MYH3: variants seen among roughly 807,000 people sequenced by gnomAD.
MYH3 encodes the protein myosin heavy chain 3.
Under a neutral mutation model 238.0 loss-of-function variants are expected in MYH3, and 130 were observed. That is an observed-to-expected ratio of 0.55 (90% confidence interval 0.47 to 0.63). The LOEUF (loss-of-function observed/expected upper bound fraction) is 0.63, where lower values mean the gene tolerates loss of function less well. Ranked by LOEUF, MYH3 falls within the 30% of genes least tolerant of loss-of-function variation. MYH3 has a pLI of 0.00. For synonymous variants in MYH3, 880 were observed against 924.1 expected (o/e 0.95, Z 0.86); for missense variants, 1,853 against 2,374.9 (o/e 0.78, Z 4.57).
chr17:10,643,011 C>T lies in MYH3; in HGVS notation c.1411-15G>A, dbSNP rs1267034665. 2.5e-6 allele frequency: 4 copies of T among 1,614,054 alleles called. No individual in the cohort carries two copies. The highest frequency in any genetic ancestry group is 1.7e-5 in the Admixed American group (1 of 60,002). ...AGGCTGTTATACTAATAAAAAAATA[C>T]AACATTCATGTGAAAAGTTAGACTT... On this transcript the variant is annotated splice_polypyrimidine_tract_variant and intron_variant, in intron 14 of 40. Coordinates refer to ENST00000583535, the MANE Select transcript of MYH3 (RefSeq NM_002470.4).
chr17:10,654,769 TG>T lies in MYH3; in HGVS notation c.204+91del. The T allele has an allele frequency of 8.5e-7, 1 of 1,174,902 alleles. No homozygotes were observed. The highest frequency in any genetic ancestry group is 1.3e-6 in the Non-Finnish European group (1 of 779,398). 72.8% of individuals were successfully genotyped at this position (1,174,902 alleles called of 1,614,324 possible). Reference sequence around the variant, plus strand: ...GGCATTCCAGTGCTGGAACCACATCTGGAAGTGGCTGGGGTTGGGCAGATGC... The same window carrying T: ...GGCATTCCAGTGCTGGAACCACATCTGAAGTGGCTGGGGTTGGGCAGATGC... On this transcript the variant is annotated intron_variant, in intron 3 of 40. Coordinates refer to ENST00000583535, the MANE Select transcript of MYH3 (RefSeq NM_002470.4). This position sits in a 1 kb window ranked among gnomAD's most constrained non-coding sequence, Gnocchi z 4.5.
At chr17:10,674,388 T>C in the MYH3 span, 12 of 243,826 alleles carry the variant, frequency 4.9e-5, no homozygotes, top group East Asian at 5.9e-4. Context: ...ATCGCACCAC[T>C]GCTCTCCAGC....
Position 10,654,147 on chromosome 17 carries a change from CTTTCTCTTTCTTTCT to C in MYH3, c.204+699_204+713del. 1.3e-5 allele frequency among the ~76,000 whole-genome samples: 1 copy of C among 78,716 alleles called. No individual in the cohort carries two copies. The highest frequency in any genetic ancestry group is 3.4e-5 in the African/African-American group (1 of 29,410). The allele number at this position is 78,716 out of a possible 152,430, so 51.6% of individuals were successfully genotyped here. A position where few individuals can be genotyped will look rare whatever the true frequency, so the allele number is the denominator to read the frequency against. ...CTTGTCTCTTTTATTTTCTTTCTTTCTTTCTCTTTCTTTCTTTCCTTCCTTCCTTGCTTTCTTTCT... is the reference window on the plus strand; with the variant it reads ...CTTGTCTCTTTTATTTTCTTTCTTTCTTCCTTCCTTCCTTGCTTTCTTTCT... On this transcript the variant is annotated intron_variant, in intron 3 of 40. Transcript: ENST00000583535. The surrounding 1 kb of genome is among the most constrained non-coding windows in gnomAD (Gnocchi z 4.5).
chr17:10,649,741 C>T, intron 6 of MYH3, 56 bp from the exon 7 acceptor site: 1 of 1,517,422 alleles, frequency 6.6e-7, no homozygotes, highest in South Asian at 1.1e-5. Context: ...TATAAACAGG[C>T]TTTTCAGGAT....
At position 10,655,092 on chromosome 17, in the gene MYH3, G is replaced by C. The variant is rs765665890; in HGVS notation, c.-8-20C>G. The C allele has an allele frequency of 1.9e-6, 3 of 1,603,962 alleles. No homozygotes were observed. In the South Asian group the frequency reaches 3.3e-5, roughly 18 times the overall value. The stretch of plus-strand genomic sequence containing the variant: ...TGTCAGCTGGAAGGCAAACCCACCC[G>C]GTGAGCTCAGCAGCCCCCTTGCCAG... On this transcript the variant is annotated intron_variant, in intron 2 of 40. Coordinates refer to ENST00000583535, the MANE Select transcript of MYH3 (RefSeq NM_002470.4).
chr17:10,664,846 C>CA, the MYH3 span, among the ~76,000 whole-genome samples: 11 of 151,984 alleles, frequency 7.2e-5, no homozygotes, highest in South Asian at 1.2e-3. Flanking sequence ...ATTCCAAGGA[C>CA]AAAAAAAGGA....
chr17:10,636,514 T>C (rs2074217253), intron 28 of MYH3, among the ~76,000 whole-genome samples: 1 of 152,128 alleles, frequency 6.6e-6, no homozygotes, highest in Non-Finnish European at 1.5e-5. Context: ...CTAGTTAGAC[T>C]CTTGGGGGAA....
chr17:10,674,300 C>A, the MYH3 span: 2 of 163,416 alleles, frequency 1.2e-5, no homozygotes, highest in Non-Finnish European at 2.7e-5. Context: ...GTGGCGGGCG[C>A]CTGTAATCCC....
Position 10,651,550 on chromosome 17 carries a change from A to G in MYH3, c.467T>C (p.Phe156Ser). The change falls in exon 5 of 41, where the codon TTC becomes TCC. Residue 156 changes from phenylalanine to serine, a missense_variant. By Grantham distance (155) the Phe-to-Ser change is radical (BLOSUM62 -2). Around this residue, in one of 3 missense-constraint regions of MYH3, gnomAD observed 678 missense variants for 1,058.9 expected, o/e 0.64. Transcript: ENST00000583535. Reference sequence around the variant, plus strand: ...CTGATAGGCGTTGTCAGAGATGGAGAAGATGTGGGGTGGGGCCTCCTGGCG... The same window carrying G: ...CTGATAGGCGTTGTCAGAGATGGAGGAGATGTGGGGTGGGGCCTCCTGGCG... ...KKRQEAPPHIFSISDNAYQFM... is the reference protein window; with the variant it reads ...KKRQEAPPHISSISDNAYQFM... 2 of 1,613,850 alleles carry G rather than the reference A, an allele frequency of 1.2e-6. No individual in the cohort carries two copies. Among genetic ancestry groups the G allele is most frequent in the Non-Finnish European group, 1.7e-6 (2 of 1,179,870 alleles).
Position 10,647,293 on chromosome 17 carries a change from C to G in MYH3, c.800-13G>C. 2 of 1,613,762 alleles carry G rather than the reference C, an allele frequency of 1.2e-6. No homozygotes were observed. The highest frequency in any genetic ancestry group is 1.7e-6 in the Non-Finnish European group (2 of 1,179,616). On this transcript the variant is annotated splice_polypyrimidine_tract_variant and intron_variant, in intron 9 of 40. Transcript: ENST00000583535. ...TTTTCCAGAAGATCTGGAACACAAACACAGGACTCTCTTTCAAACTGTTCC... is the reference window on the plus strand; with the variant it reads ...TTTTCCAGAAGATCTGGAACACAAAGACAGGACTCTCTTTCAAACTGTTCC...
chr17:10,645,893 G>A, intron 11 of MYH3, 36 bp downstream of exon 11: 2 of 1,613,806 alleles, frequency 1.2e-6, no homozygotes, highest in Middle Eastern at 1.7e-4. Flanking sequence ...CAGTGATGGA[G>A]GAGGAACACC....
At chr17:10,631,566 A>G (rs2142381048) in intron 36 of MYH3, 45 bp downstream of exon 36, 6 of 1,614,050 alleles carry the variant, frequency 3.7e-6, no homozygotes, top group Non-Finnish European at 5.1e-6. Flanking sequence ...CTTTAATGCA[A>G]TGCAATCCCG....
upstream of MYH3, among the ~76,000 whole-genome samples, chr17:10,660,606 G>A (rs535466685): frequency 2.0e-5 from 3 of 152,066 alleles, no homozygotes; most frequent in East Asian, 5.9e-4. Context: ...GAACCTGGGA[G>A]GCGGCGCTTG....
At chr17:10,652,075 A>G (rs1157018535) in intron 4 of MYH3, 2 of 400,654 alleles carry the variant, frequency 5.0e-6, no homozygotes, top group Non-Finnish European at 4.7e-6. Context: ...TTTGGGATAA[A>G]CTTATAAAGG....
At chr17:10,668,691 G>A in the MYH3 span, among the ~76,000 whole-genome samples, 4 of 152,156 alleles carry the variant, frequency 2.6e-5, no homozygotes, top group Non-Finnish European at 5.9e-5. Flanking sequence ...ACTTATAGGA[G>A]TTTTAGACTG....
At chr17:10,645,632 GC>G in intron 12 of MYH3, 74 bp downstream of exon 12, 2 of 1,574,404 alleles carry the variant, frequency 1.3e-6, no homozygotes, top group Non-Finnish European at 1.7e-6. Context: ...TGGATTAATT[GC>G]TTTCAAAAGC....
At chr17:10,663,070 G>C in the MYH3 span, among the ~76,000 whole-genome samples, 1 of 152,060 alleles carries the variant, frequency 6.6e-6, no homozygotes, top group Non-Finnish European at 1.5e-5. Flanking sequence ...CTGGGTGAGA[G>C]AGTGAGACTC....
the MYH3 span, among the ~76,000 whole-genome samples, chr17:10,663,745 CA>C: frequency 1.4e-5 from 2 of 143,314 alleles, no homozygotes; most frequent in Non-Finnish European, 3.2e-5. Context: ...TCACCTATTC[CA>C]AAAACTAACT....
intron 28 of MYH3, among the ~76,000 whole-genome samples, chr17:10,636,380 A>G (rs1161167627): frequency 1.3e-5 from 2 of 151,944 alleles, no homozygotes; most frequent in Non-Finnish European, 1.5e-5. Flanking sequence ...GAAGAACTGT[A>G]AATGTAAACG....
Sources: gnomAD v4.1 joint callset for allele counts (sites outside exome capture counted in the v4.1 genomes callset) on GRCh38, gnomAD v4.1.1 for gene constraint, gnomAD v4.1.1 regional missense constraint, Gnocchi (gnomAD v3.1) non-coding constraint, MANE v1.5 for transcripts, NCBI Gene and HGNC (gene_info 2026-07-23, HGNC 2026-07-21) for gene names.